Variants in TIAM1 observed in about 807,000 individuals in gnomAD.
TIAM1 encodes the protein TIAM Rac1 associated GEF 1.
In TIAM1, 65 loss-of-function variants were observed where a neutral mutation model predicts 163.5. The ratio of observed to expected loss-of-function variants is 0.40; its 90% CI spans 0.33 to 0.49. The LOEUF (loss-of-function observed/expected upper bound fraction) is 0.49, where lower values mean the gene tolerates loss of function less well. TIAM1 is among the 20% of genes least tolerant of loss of function. The pLI, the probability that TIAM1 is intolerant of heterozygous loss-of-function variation, is 0.77. For missense variants in TIAM1, 1,789 were observed against 2,044.7 expected (o/e 0.87, Z 2.41); for synonymous variants, 833 against 810.1 (o/e 1.03, Z -0.48).
chr21:31,274,686 A>G (rs1181965724), intron 3 of TIAM1, among the ~76,000 whole-genome samples: 1 of 152,190 alleles, frequency 6.6e-6, no homozygotes, highest in African/African-American at 2.4e-5. Flanking sequence ...ATAATCCAAA[A>G]GGTGATTCTA....
chr21:31,141,306 G>A lies in TIAM1; in HGVS notation c.3655+19C>T. The A allele has an allele frequency of 6.2e-7, 1 of 1,613,706 alleles. No individual in the cohort carries two copies. Among genetic ancestry groups the A allele is most frequent in the Non-Finnish European group, 8.5e-7 (1 of 1,179,736 alleles). ...TCATGGAGACTCAGGCCTGCCGGGGGTCCCAGGCCGAGGCCTACCGTCCAG... is the reference window on the plus strand; with the variant it reads ...TCATGGAGACTCAGGCCTGCCGGGGATCCCAGGCCGAGGCCTACCGTCCAG... On this transcript the variant is annotated intron_variant, in intron 21 of 27. Coordinates refer to ENST00000541036, the MANE Select transcript of TIAM1 (RefSeq NM_001353694.2). This position sits in a 1 kb window ranked among gnomAD's most constrained non-coding sequence, Gnocchi z 4.7.
At chr21:31,413,626 G>A (rs2147245470) in intron 2 of TIAM1, among the ~76,000 whole-genome samples, 1 of 152,062 alleles carries the variant, frequency 6.6e-6, no homozygotes, top group African/African-American at 2.4e-5. Flanking sequence ...TCCTGTCTTT[G>A]TCCCCTGCGA....
chr21:31,124,468 T>C lies in TIAM1; in HGVS notation c.4306+54A>G, dbSNP rs1379316400. 1.9e-6 allele frequency: 3 copies of C among 1,603,910 alleles called. No homozygotes were observed. The African/African-American group carries it at 4.0e-5, about 21-fold the overall frequency. On this transcript the variant is annotated intron_variant, in intron 27 of 27. Transcript: ENST00000541036. ...ACAAGGAGGTCAAGCTCACTGGAGT[T>C]CTACTGCGGAGTGGGGGTGACGGGA... is the stretch of plus-strand genomic sequence containing the variant.
chr21:31,310,144 C>T (rs1355614464), intron 2 of TIAM1, among the ~76,000 whole-genome samples: 1 of 152,200 alleles, frequency 6.6e-6, no homozygotes, highest in East Asian at 1.9e-4. Flanking sequence ...TATGTGGGGG[C>T]CACACGCCTG....
chr21:31,213,472 C>G lies in TIAM1; in HGVS notation c.2143G>C (p.Val715Leu). ...ACAGCTTCGGTTCCCTCTCCAAACA[C>G]CTGCATATACAAAAGTACCACCTTA... ...KKQGRPSINQ[V>L]FGEGTEAVKK... The change falls in exon 10 of 28, where the codon GTG (valine) becomes CTG (leucine). Residue 715 changes from valine (V) to leucine (L), a missense_variant and splice_region_variant. This residue lies in a region of TIAM1 where 456 missense variants were observed against 586.6 expected (regional missense o/e 0.78). Coordinates refer to ENST00000541036, the MANE Select transcript of TIAM1 (RefSeq NM_001353694.2). The G allele has an allele frequency of 6.2e-7, 1 of 1,613,864 alleles. No homozygotes were observed. Among genetic ancestry groups the G allele is most frequent in the Non-Finnish European group, 8.5e-7 (1 of 1,179,912 alleles).
intron 11 of TIAM1, among the ~76,000 whole-genome samples, chr21:31,206,332 A>C (rs2086448883): frequency 6.6e-6 from 1 of 152,358 alleles, no homozygotes; most frequent in African/African-American, 2.4e-5. Flanking sequence ...TATGCTCCTT[A>C]GATACCTGTT....
rs1467907939 is a variant in TIAM1, at chr21:31,119,604, G to A, written c.*764C>T. The A allele has an allele frequency of 6.6e-6, 1 of 152,384 alleles. No homozygotes were observed. Among genetic ancestry groups the A allele is most frequent in the Non-Finnish European group, 1.5e-5 (1 of 68,004 alleles). 9.4% of individuals were successfully genotyped at this position (152,384 alleles called of 1,614,324 possible). A position where few individuals can be genotyped will look rare whatever the true frequency, so the allele number is the denominator to read the frequency against. On this transcript the variant is annotated 3_prime_UTR_variant, in exon 28 of 28. Transcript: ENST00000541036. Reference sequence around the variant, plus strand: ...TTATATCCTCATTTTTTAGGCTCAGGGATACATACACTAACACTGTAAAAT... The same window carrying A: ...TTATATCCTCATTTTTTAGGCTCAGAGATACATACACTAACACTGTAAAAT...
chr21:31,501,462 T>C (rs1302586733), intron 1 of TIAM1, among the ~76,000 whole-genome samples: 1 of 152,136 alleles, frequency 6.6e-6, no homozygotes, highest in African/African-American at 2.4e-5. Context: ...AAAGTGACCT[T>C]TGGGCCTGAT....
chr21:31,333,565 G>A (rs1045634889), intron 2 of TIAM1, among the ~76,000 whole-genome samples: 2 of 152,060 alleles, frequency 1.3e-5, no homozygotes, highest in African/African-American at 4.8e-5. Flanking sequence ...AGCTTCCTGC[G>A]TAGCTGGGAC....
intron 4 of TIAM1, among the ~76,000 whole-genome samples, chr21:31,254,157 T>C (rs1007966971): frequency 2.6e-5 from 4 of 152,168 alleles, no homozygotes; most frequent in African/African-American, 4.8e-5. Context: ...CCCTATTCCA[T>C]AAGAGAGACT....
intron 1 of TIAM1, among the ~76,000 whole-genome samples, chr21:31,501,664 G>A (rs58157340): frequency 0.013 from 1,983 of 152,120 alleles, 50 homozygotes; most frequent in African/African-American, 0.045. Context: ...GTGCAGTGGC[G>A]CGATCTCGGC....
intron 1 of TIAM1, among the ~76,000 whole-genome samples, chr21:31,538,132 T>A (rs921564974): frequency 6.6e-6 from 1 of 152,216 alleles, no homozygotes; most frequent in African/African-American, 2.4e-5. Context: ...TGTTTCTAGA[T>A]CTATGTGCTG....
intron 1 of TIAM1, among the ~76,000 whole-genome samples, chr21:31,489,413 AAGAAGAACAAG>A (rs1246938240): frequency 4.4e-5 from 6 of 136,726 alleles, no homozygotes; most frequent in East Asian, 2.1e-4. Flanking sequence ...GGGAGGGAAG[AAGAAGAACAAG>A]AGAAGAACAA....
Position 31,195,871 on chromosome 21 carries a change from T to C in TIAM1, c.2494-566A>G, listed in dbSNP as rs565674117. 5.9e-5 allele frequency among the ~76,000 whole-genome samples: 9 copies of C among 152,144 alleles called. No individual in the cohort carries two copies. The East Asian group carries it at 1.7e-3, about 29-fold the overall frequency. Reference sequence around the variant, plus strand: ...CCTTCTAAAAGCCCAAGAAAGGAAATAACTTATGACTAAGTCCTCAAAAGC... The same window carrying C: ...CCTTCTAAAAGCCCAAGAAAGGAAACAACTTATGACTAAGTCCTCAAAAGC... On this transcript the variant is annotated intron_variant, in intron 12 of 27. Transcript: ENST00000541036.
chr21:31,156,569 A>G (rs576922911), intron 16 of TIAM1, among the ~76,000 whole-genome samples: 1 of 152,366 alleles, frequency 6.6e-6, no homozygotes, highest in African/African-American at 2.4e-5. Flanking sequence ...TCACTAACTC[A>G]AAATCATCAT....
chr21:31,313,345 T>G (rs2074999649), intron 2 of TIAM1, among the ~76,000 whole-genome samples: 1 of 151,402 alleles, frequency 6.6e-6, no homozygotes, highest in African/African-American at 2.4e-5. Context: ...TCTTTGTGTG[T>G]TTTTTTTCCA....
chr21:31,229,462 C>T (rs1241789334), intron 6 of TIAM1, among the ~76,000 whole-genome samples: 1 of 152,038 alleles, frequency 6.6e-6, no homozygotes, highest in Non-Finnish European at 1.5e-5. Flanking sequence ...TAAAAACTGT[C>T]CTTACAAAAC....
chr21:31,385,699 A>G (rs2147183625), intron 2 of TIAM1, among the ~76,000 whole-genome samples: 1 of 146,688 alleles, frequency 6.8e-6, no homozygotes, highest in East Asian at 1.9e-4. Flanking sequence ...TTTAAAAAAT[A>G]TACTGCACTG....
chr21:31,550,593 A>C (rs180800966), intron 1 of TIAM1, among the ~76,000 whole-genome samples: 1 of 152,342 alleles, frequency 6.6e-6, no homozygotes, highest in East Asian at 1.9e-4. Flanking sequence ...AAATTTATCA[A>C]AAACCACTGA....
Sources: allele counts gnomAD v4.1 joint callset (sites outside exome capture counted in the v4.1 genomes callset), GRCh38; gene constraint gnomAD v4.1.1; regional missense constraint gnomAD v4.1.1; non-coding constraint Gnocchi (gnomAD v3.1); transcripts MANE v1.5; gene names NCBI Gene and HGNC (gene_info 2026-07-23, HGNC 2026-07-21).